Variants in APC2 observed in about 807,000 individuals in gnomAD.
APC2 encodes adenomatous polyposis coli protein 2.
A neutral mutation model predicts 72.5 loss-of-function variants in APC2; 41 were observed. That is an observed-to-expected ratio of 0.57 (90% confidence interval 0.44 to 0.73). The LOEUF (loss-of-function observed/expected upper bound fraction) is 0.73, where lower values mean the gene tolerates loss of function less well. Among genes scored for constraint, APC2 ranks in the 30% least tolerant of loss-of-function variants. The pLI, the probability that APC2 is intolerant of heterozygous loss-of-function variation, is 0.00. For missense variants in APC2, 3,729 were observed against 3,403.4 expected (o/e 1.10, Z -2.38); for synonymous variants, 1,898 against 1,612.0 (o/e 1.18, Z -4.25).
At chr19:1,449,999 C>G (rs946239506), upstream of APC2, 4 of 527,090 alleles carry the variant, frequency 7.6e-6, no homozygotes, top group African/African-American at 8.3e-5. Context: ...GCCCGACGCC[C>G]CGCGGCCGAC....
upstream of APC2, among the ~76,000 whole-genome samples, chr19:1,446,492 G>A (rs1345590597): frequency 7.5e-6 from 1 of 133,040 alleles, no homozygotes; most frequent in African/African-American, 3.5e-5. This position sits in a 1 kb window ranked among gnomAD's most constrained non-coding sequence, Gnocchi z 6.1. Context: ...TGCCGTCGCC[G>A]TAGAGACCGT....
At chr19:1,453,718 A>C in intron 4 of APC2, 107 bp downstream of exon 4, 19 of 1,377,874 alleles carry the variant, frequency 1.4e-5, no homozygotes, top group Non-Finnish European at 1.8e-5. Flanking sequence ...CCCACACCTC[A>C]CACGCCCCAC....
chr19:1,455,503 G>A lies in APC2; in HGVS notation c.639+3G>A. On this transcript the variant is annotated splice_donor_region_variant and intron_variant, in intron 6 of 14. Transcript: ENST00000590469. Reference sequence around the variant, plus strand: ...ACGAGATGGTGCAGCGGGCACAGGTGCGGCGGTGGGCGGGGTGGCGCGGCG... The same window carrying A: ...ACGAGATGGTGCAGCGGGCACAGGTACGGCGGTGGGCGGGGTGGCGCGGCG... 1 of 1,596,874 alleles carries A rather than the reference G, an allele frequency of 6.3e-7. No homozygotes were observed. The highest frequency in any genetic ancestry group is 8.5e-7 in the Non-Finnish European group (1 of 1,171,742).
chr19:1,456,057 C>G lies in APC2; in HGVS notation c.640-19C>G, dbSNP rs1490018016. 2 of 1,545,652 alleles carry G rather than the reference C, an allele frequency of 1.3e-6. No individual in the cohort carries two copies. The highest frequency in any genetic ancestry group is 1.4e-5 in the African/African-American group (1 of 73,308). ...GGCGGGGTCAGCTCCAGCACTTGCC[C>G]TCGTGTGGTCCTGAGCAGATCCGCG... is the stretch of plus-strand genomic sequence containing the variant. On this transcript the variant is annotated intron_variant, in intron 6 of 14. Coordinates refer to ENST00000590469, the MANE Select transcript of APC2 (RefSeq NM_005883.3).
At chr19:1,458,304 G>T (rs376651213) in intron 10 of APC2, 12 of 559,638 alleles carry the variant, frequency 2.1e-5, no homozygotes, top group East Asian at 1.5e-4. Flanking sequence ...GTGACTTTCA[G>T]CCCTAAGTTC....
At chr19:1,453,731 A>G in intron 4 of APC2, 120 bp downstream of exon 4, 3 of 1,318,816 alleles carry the variant, frequency 2.3e-6, no homozygotes, top group South Asian at 2.9e-5. Flanking sequence ...CGCCCCACCC[A>G]CTTGCATATG....
upstream of APC2, among the ~76,000 whole-genome samples, chr19:1,449,418 T>G (rs1390270413): frequency 6.6e-6 from 1 of 152,130 alleles, no homozygotes; most frequent in Non-Finnish European, 1.5e-5. Flanking sequence ...TTCCCTCCTC[T>G]GGCCTTCGGT....
chr19:1,455,265 G>A lies in APC2; in HGVS notation c.522+8G>A. The A allele has an allele frequency of 6.4e-7, 1 of 1,563,448 alleles. No individual in the cohort carries two copies. The highest frequency in any genetic ancestry group is 8.6e-7 in the Non-Finnish European group (1 of 1,159,466). On this transcript the variant is annotated splice_region_variant and intron_variant, in intron 5 of 14. Coordinates refer to ENST00000590469, the MANE Select transcript of APC2 (RefSeq NM_005883.3). ...CTGCCGCACGTGGAGACGGTGAGCC[G>A]GCCGGGGAGCCAGGGGGCAGCGCGC...
intron 4 of APC2, among the ~76,000 whole-genome samples, 173 bp from the exon 5 acceptor site, chr19:1,454,976 T>C: frequency 8.1e-6 from 1 of 123,658 alleles, no homozygotes; most frequent in African/African-American, 3.3e-5. Context: ...CCCAGTTAAT[T>C]TCAATACCCA....
chr19:1,455,917 C>A (rs1355103023), intron 6 of APC2, among the ~76,000 whole-genome samples, 159 bp from the exon 7 acceptor site: 1 of 33,556 alleles, frequency 3.0e-5, no homozygotes, highest in Non-Finnish European at 6.0e-5. Context: ...GCTGGCAGGG[C>A]TGGATCAGGG....
At position 1,466,856 on chromosome 19, in the gene APC2, C is replaced by T. The variant is rs1289947194; in HGVS notation, c.3555C>T (p.Cys1185=). ...SIASSIPSEP[C]SGQGSGTISP... Reference sequence around the variant, plus strand: ...CCAGCTCCATCCCCAGTGAACCTTGCAGCGGGCAGGGCAGCGGCACCATCA... The same window carrying T: ...CCAGCTCCATCCCCAGTGAACCTTGTAGCGGGCAGGGCAGCGGCACCATCA... Residue 1185 remains cysteine, a synonymous_variant, in exon 15 of 15, where the codon TGC becomes TGT. Coordinates refer to ENST00000590469, the MANE Select transcript of APC2 (RefSeq NM_005883.3). 3.8e-6 allele frequency: 6 copies of T among 1,560,972 alleles called. No homozygotes were observed. Among genetic ancestry groups the T allele is most frequent in the Non-Finnish European group, 5.2e-6 (6 of 1,153,892 alleles).
chr19:1,449,692 G>C (rs914854642), upstream of APC2, among the ~76,000 whole-genome samples: 4 of 149,046 alleles, frequency 2.7e-5, no homozygotes, highest in African/African-American at 4.9e-5. Flanking sequence ...GCCTGGACCC[G>C]AACCCTGTCC....
chr19:1,456,042 G>C (rs1029301190), intron 6 of APC2, 34 bp from the exon 7 acceptor site: 1 of 1,529,048 alleles, frequency 6.5e-7, no homozygotes, highest in Non-Finnish European at 8.8e-7. Context: ...GGCGGGGTCA[G>C]CTCCAGCACT....
rs548931613 is a variant in APC2, at chr19:1,466,348, T to C, written c.3047T>C (p.Leu1016Pro). 6 of 1,560,566 alleles carry C rather than the reference T, an allele frequency of 3.8e-6. No individual in the cohort carries two copies. The highest frequency in any genetic ancestry group is 5.2e-6 in the Non-Finnish European group (6 of 1,156,326). Residue 1016 changes from leucine to proline, a missense_variant, in exon 15 of 15, where the codon CTC becomes CCC. Leu to Pro is a moderately conservative substitution (Grantham distance 98, BLOSUM62 -3). Coordinates refer to ENST00000590469, the MANE Select transcript of APC2 (RefSeq NM_005883.3). ...GCCTCAAGGGCGGGTGCAGAGCCCC[T>C]CGCGGGGCCTGGAATCTCTCCAGGG... The part of the protein sequence containing the change: ...EGASRAGAEP[L>P]AGPGISPGAR...
Position 1,452,190 on chromosome 19 carries a change from A to G in APC2, c.-18-794A>G. On this transcript the variant is annotated intron_variant, in intron 1 of 14. Coordinates refer to ENST00000590469, the MANE Select transcript of APC2 (RefSeq NM_005883.3). This position sits in a 1 kb window ranked among gnomAD's most constrained non-coding sequence, Gnocchi z 5.1. ...GCCAGCTGGACAGAGGGAGGAGGCC[A>G]GGCCAGAGCCAGAAGACGGCCAGAG... is the stretch of plus-strand genomic sequence containing the variant. The G allele has an allele frequency of 6.5e-6, 1 of 153,376 alleles. No homozygotes were observed. Among genetic ancestry groups the G allele is most frequent in the South Asian group, 2.0e-4 (1 of 5,032 alleles). The allele number at this position is 153,376 out of a possible 1,614,324, so 9.5% of individuals were successfully genotyped here. A position where few individuals can be genotyped will look rare whatever the true frequency, so the allele number is the denominator to read the frequency against.
chr19:1,468,571 C>T lies in APC2; in HGVS notation c.5270C>T (p.Ala1757Val), dbSNP rs754898994. 1.6e-5 allele frequency: 25 copies of T among 1,599,138 alleles called. No individual in the cohort carries two copies. The highest frequency in any genetic ancestry group is 2.1e-5 in the Non-Finnish European group (24 of 1,170,716). ...SARRPEKRGA[A>V]SVKTSGSPRS... is the part of the protein sequence containing the mutation. ...CGGCGGCCAGAGAAAAGGGGCGCAG[C>T]CTCAGTCAAGACCAGCGGGAGCCCC... The change falls in exon 15 of 15, where the codon GCC (alanine) becomes GTC (valine). Residue 1757 changes from alanine (A) to valine (V), a missense_variant. Physicochemically the swap from Ala to Val is moderately conservative, Grantham distance 64. Coordinates refer to ENST00000590469, the MANE Select transcript of APC2 (RefSeq NM_005883.3).
At chr19:1,457,386 G>A (rs1240670631) in intron 9 of APC2, 143 bp downstream of exon 9, 4 of 1,239,256 alleles carry the variant, frequency 3.2e-6, no homozygotes, top group Non-Finnish European at 4.3e-6. Flanking sequence ...GCCGAGGCCT[G>A]TGGGGGCATT....
At position 1,456,899 on chromosome 19, in the gene APC2, A is replaced by G. The variant is rs779439124; in HGVS notation, c.863A>G (p.Gln288Arg). ...TTGTCCATGTTGGCGACGCGCGACC[A>G]GGAGGATACAGCGCGCACGCTGCTG... is the stretch of plus-strand genomic sequence containing the variant. ...WLLSMLATRDQEDTARTLLAM... is the reference protein window; with the variant it reads ...WLLSMLATRDREDTARTLLAM... Residue 288 changes from glutamine to arginine, a missense_variant, in exon 9 of 15, where the codon CAG becomes CGG. Gln to Arg is a conservative substitution (Grantham distance 43). Coordinates refer to ENST00000590469, the MANE Select transcript of APC2 (RefSeq NM_005883.3). 2.4e-5 allele frequency: 38 copies of G among 1,587,756 alleles called. No homozygotes were observed. The Admixed American group carries it at 6.4e-4, about 27-fold the overall frequency.
Position 1,466,568 on chromosome 19 carries a change from C to A in APC2, c.3267C>A (p.Asp1089Glu). The A allele has an allele frequency of 5.1e-6, 8 of 1,579,324 alleles. No homozygotes were observed. Among genetic ancestry groups the A allele is most frequent in the Non-Finnish European group, 6.8e-6 (8 of 1,170,484 alleles). ...GCCCAGGCCCCAGCGAGGGTGGTGACCTGGATGACAGTGACTCCTCCCTGG... is the reference window on the plus strand; with the variant it reads ...GCCCAGGCCCCAGCGAGGGTGGTGAACTGGATGACAGTGACTCCTCCCTGG... ...AGRPGPSEGG[D>E]LDDSDSSLEG... is the part of the protein sequence containing the mutation. The change falls in exon 15 of 15, where the codon GAC (aspartate) becomes GAA (glutamate). Residue 1089 changes from aspartate (D) to glutamate (E), a missense_variant. Coordinates refer to ENST00000590469, the MANE Select transcript of APC2 (RefSeq NM_005883.3).
Sources: gnomAD v4.1 joint callset for allele counts (sites outside exome capture counted in the v4.1 genomes callset) on GRCh38, gnomAD v4.1.1 for gene constraint, Gnocchi (gnomAD v3.1) non-coding constraint, MANE v1.5 for transcripts, NCBI Gene and HGNC (gene_info 2026-07-23, HGNC 2026-07-21) for gene names.